Variants in POLQ observed in about 807,000 individuals in gnomAD.
The protein encoded by POLQ is epididymis secretory sperm binding protein.
In POLQ, 233 loss-of-function variants were observed where a neutral mutation model predicts 259.2. The ratio of observed to expected loss-of-function variants is 0.90; its 90% confidence interval spans 0.81 to 1.00. The LOEUF (loss-of-function observed/expected upper bound fraction) is 1.00. Among genes scored for constraint, POLQ ranks in the 50% least tolerant of loss-of-function variants. The pLI, the probability that POLQ is intolerant of heterozygous loss-of-function variation, is 0.00. For missense variants in POLQ, 2,871 were observed against 3,051.6 expected, an observed-to-expected ratio of 0.94 and a Z score of 1.39; for synonymous variants, 1,025 against 1,048.8, an observed-to-expected ratio of 0.98 and a Z score of 0.44.
intron 4 of POLQ, among the ~76,000 whole-genome samples, chr3:121,537,721 AGT>A (rs2048460610): frequency 6.6e-6 from 1 of 152,146 alleles, no homozygotes; most frequent in Non-Finnish European, 1.5e-5. Context: ...TGCCTCCAGA[AGT>A]AGATAATAGA....
Position 121,473,541 on chromosome 3 carries a change from T to C in POLQ, c.6406-54A>G, listed in dbSNP as rs2047902792. The C allele has an allele frequency of 2.8e-6, 4 of 1,441,720 alleles. No homozygotes were observed. The African/African-American group carries it at 5.7e-5, about 20-fold the overall frequency. 89.3% of individuals were successfully genotyped at this position (1,441,720 alleles called of 1,614,324 possible). ...AGAATGAAACTTGCAAGGATTATCATTCAGAAAATATTTTAAGTTATTTCA... is the reference window on the plus strand; with the variant it reads ...AGAATGAAACTTGCAAGGATTATCACTCAGAAAATATTTTAAGTTATTTCA... On this transcript the variant is annotated intron_variant, in intron 20 of 29. Coordinates refer to ENST00000264233, the MANE Select transcript of POLQ (RefSeq NM_199420.4).
chr3:121,545,432 G>A (rs562019102), intron 1 of POLQ, among the ~76,000 whole-genome samples: 6 of 152,270 alleles, frequency 3.9e-5, no homozygotes, highest in Admixed American at 1.3e-4. Flanking sequence ...TACCAGGAAC[G>A]AGCCGCCCAA....
chr3:121,502,656 GA>G (rs543696179), intron 12 of POLQ, among the ~76,000 whole-genome samples: 103 of 151,462 alleles, frequency 6.8e-4, no homozygotes, highest in African/African-American at 2.3e-3. Flanking sequence ...AATAAATGAA[GA>G]AAAAAAACAC....
intron 7 of POLQ, among the ~76,000 whole-genome samples, chr3:121,526,129 G>A (rs1168207689): frequency 1.3e-5 from 2 of 152,162 alleles, no homozygotes; most frequent in Non-Finnish European, 1.5e-5. Context: ...TTGGGGGTAA[G>A]TAGATCACTT....
intron 23 of POLQ, 36 bp downstream of exon 23, chr3:121,468,269 A>G (rs561238488): frequency 1.3e-6 from 2 of 1,549,128 alleles, no homozygotes; most frequent in Non-Finnish European, 1.7e-6. Flanking sequence ...TACTTACAAA[A>G]GTTTATTAAT....
At chr3:121,456,852 A>G in intron 25 of POLQ, among the ~76,000 whole-genome samples, 1 of 152,226 alleles carries the variant, frequency 6.6e-6, no homozygotes, top group Non-Finnish European at 1.5e-5. Flanking sequence ...CAAACTACCA[A>G]TGACTTTCTT....
intron 11 of POLQ, 87 bp downstream of exon 11, chr3:121,509,952 A>C (rs1384187075): frequency 4.5e-6 from 5 of 1,120,294 alleles, no homozygotes; most frequent in Non-Finnish European, 6.6e-6. Flanking sequence ...ATACTACATG[A>C]AAAGACAATT....
At position 121,476,571 on chromosome 3, in the gene POLQ, A is replaced by C; in HGVS notation, c.6374T>G (p.Phe2125Cys). 6.2e-7 allele frequency: 1 copy of C among 1,613,796 alleles called. No individual in the cohort carries two copies. Among genetic ancestry groups the C allele is most frequent in the Non-Finnish European group, 8.5e-7 (1 of 1,179,840 alleles). Reference protein sequence around the residue: ...TQAYQLAGHSFSFTSSDDIAE... With the variant: ...TQAYQLAGHSCSFTSSDDIAE... ...GATGTCATCTGAACTGGTGAAAGAAAAACTGTGGCCAGCTAGTTGATAGGC... is the reference window on the plus strand; with the variant it reads ...GATGTCATCTGAACTGGTGAAAGAACAACTGTGGCCAGCTAGTTGATAGGC... The change falls in exon 20 of 30, where the codon TTT (phenylalanine) becomes TGT (cysteine). Residue 2125 changes from phenylalanine to cysteine, a missense_variant. Phe to Cys is a radical substitution (Grantham distance 205). This residue lies in a region of POLQ where 2,080 missense variants were observed against 2,126.0 expected (regional missense o/e 0.98). Coordinates refer to ENST00000264233, the MANE Select transcript of POLQ (RefSeq NM_199420.4).
chr3:121,494,416 A>T (rs2048097322), intron 14 of POLQ: 1 of 1,555,436 alleles, frequency 6.4e-7, no homozygotes, highest in African/African-American at 1.4e-5. Context: ...ACAAGTACAG[A>T]CCAGAGTCAA....
Position 121,533,087 on chromosome 3 carries a change from C to T in POLQ, c.863G>A (p.Arg288His), listed in dbSNP as rs200236939. The part of the protein sequence containing the change: ...LNAELYHTDF[R>H]PVPLLESVKV... The stretch of plus-strand genomic sequence containing the variant: ...TACTGACTCCAAAAGCGGTACAGGG[C>T]GAAAGTCGGTATGGTAGAGTTCAGC... The change falls in exon 6 of 30, where the codon CGC becomes CAC. Residue 288 changes from arginine to histidine, a missense_variant. Around this residue, in one of 3 missense-constraint regions of POLQ, gnomAD observed 783 missense variants for 906.2 expected, o/e 0.86. Coordinates refer to ENST00000264233, the MANE Select transcript of POLQ (RefSeq NM_199420.4). 128 of 1,613,840 alleles carry T rather than the reference C, an allele frequency of 7.9e-5. 1 individual carries two copies. The highest frequency in any genetic ancestry group is 6.9e-4 in the South Asian group (63 of 91,062).
chr3:121,526,424 AAG>A (rs2048374217), intron 7 of POLQ, among the ~76,000 whole-genome samples: 1 of 152,282 alleles, frequency 6.6e-6, no homozygotes, highest in East Asian at 1.9e-4. Context: ...TGCACAAAAC[AAG>A]AGTTAGCCTA....
At position 121,489,147 on chromosome 3, in the gene POLQ, T is replaced by C; in HGVS notation, c.3784A>G (p.Thr1262Ala). 1 of 1,613,926 alleles carries C rather than the reference T, an allele frequency of 6.2e-7. No homozygotes were observed. Among genetic ancestry groups the C allele is most frequent in the Non-Finnish European group, 8.5e-7 (1 of 1,179,948 alleles). ...FQALGDDISRTVIPSEVLPSA... is the reference protein window; with the variant it reads ...FQALGDDISRAVIPSEVLPSA... Reference sequence around the variant, plus strand: ...GGAAGTACTTCACTGGGTATCACAGTTCTGCTTATATCATCTCCTAATGCC... The same window carrying C: ...GGAAGTACTTCACTGGGTATCACAGCTCTGCTTATATCATCTCCTAATGCC... Residue 1262 changes from threonine to alanine, a missense_variant, in exon 16 of 30, where the codon ACT (threonine) becomes GCT (alanine). Physicochemically the swap from Thr to Ala is moderately conservative, Grantham distance 58 (BLOSUM62 0). This residue lies in a region of POLQ where 2,080 missense variants were observed against 2,126.0 expected (regional missense o/e 0.98). Coordinates refer to ENST00000264233, the MANE Select transcript of POLQ (RefSeq NM_199420.4).
chr3:121,459,670 C>G (rs183127686), intron 25 of POLQ, among the ~76,000 whole-genome samples: 2 of 152,080 alleles, frequency 1.3e-5, no homozygotes, highest in Non-Finnish European at 1.5e-5. Flanking sequence ...CGTGAGCCAC[C>G]GCGCCCGGCC....
At chr3:121,533,812 C>T (rs570289723) in intron 5 of POLQ, among the ~76,000 whole-genome samples, 78 of 152,076 alleles carry the variant, frequency 5.1e-4, no homozygotes, top group African/African-American at 1.8e-3. Flanking sequence ...CTGTGCCCAG[C>T]CAGTATTTCT....
At chr3:121,437,894 T>C (rs547866789) in intron 27 of POLQ, among the ~76,000 whole-genome samples, 3 of 152,250 alleles carry the variant, frequency 2.0e-5, no homozygotes, top group African/African-American at 4.8e-5. Flanking sequence ...AGATACAAAA[T>C]ATACATATAT....
chr3:121,531,081 GGAGGCT>G (rs1410069878), intron 6 of POLQ, among the ~76,000 whole-genome samples: 1 of 152,108 alleles, frequency 6.6e-6, no homozygotes, highest in Admixed American at 6.6e-5. Context: ...CAGCTACTCG[GGAGGCT>G]GAGGCAAAAG....
intron 24 of POLQ, among the ~76,000 whole-genome samples, chr3:121,464,529 C>CT (rs1266023867): frequency 1.3e-5 from 2 of 151,892 alleles, no homozygotes. Flanking sequence ...TTTAGAGTCG[C>CT]TTTTTTATTT....
Position 121,490,139 on chromosome 3 carries a change from T to C in POLQ, c.2792A>G (p.Tyr931Cys), listed in dbSNP as rs1576415137. The C allele has an allele frequency of 6.2e-7, 1 of 1,609,270 alleles. No homozygotes were observed. Among genetic ancestry groups the C allele is most frequent in the East Asian group, 2.2e-5 (1 of 44,860 alleles). ...HTFISQTKSS[Y>C]KKLTSKNKSN... is the part of the protein sequence containing the mutation. Reference sequence around the variant, plus strand: ...TTTGTTCTTTGATGTTAATTTTTTATAAGAACTCTTAGTTTGGGATATAAA... The same window carrying C: ...TTTGTTCTTTGATGTTAATTTTTTACAAGAACTCTTAGTTTGGGATATAAA... The change falls in exon 16 of 30, where the codon TAT (tyrosine) becomes TGT (cysteine). Residue 931 changes from tyrosine to cysteine, a missense_variant. Tyr to Cys is a radical substitution (Grantham distance 194). Transcript: ENST00000264233.
At chr3:121,513,937 G>T (rs1280198099) in intron 9 of POLQ, among the ~76,000 whole-genome samples, 1 of 143,294 alleles carries the variant, frequency 7.0e-6, no homozygotes, top group Non-Finnish European at 1.5e-5. Context: ...CAGGAGAATC[G>T]CTTGAGCCCT....
Sources: allele counts gnomAD v4.1 joint callset (sites outside exome capture counted in the v4.1 genomes callset), GRCh38; gene constraint gnomAD v4.1.1; regional missense constraint gnomAD v4.1.1; transcripts MANE v1.5; gene names NCBI Gene and HGNC (gene_info 2026-07-23, HGNC 2026-07-21).